The following ZNF544 variants were observed in gnomAD, a reference collection of about 807,000 sequenced individuals.
The protein encoded by ZNF544 is zinc finger protein AF020591.
ZNF544 carries 10 observed loss-of-function variants against 13.5 expected under a neutral mutation model. That is an observed-to-expected ratio of 0.74 (90% CI 0.46 to 1.25). ZNF544 has a LOEUF of 1.25. Among genes scored for constraint, ZNF544 ranks in the 50% most tolerant of loss-of-function variants. The pLI, the probability that ZNF544 is intolerant of heterozygous loss-of-function variation, is 0.00. For missense variants in ZNF544, 896 were observed against 845.6 expected, an observed-to-expected ratio of 1.06 and a Z score of -0.74; for synonymous variants, 323 against 300.5, an observed-to-expected ratio of 1.07 and a Z score of -0.77.
At chr19:58,257,795 C>T (rs1056034473) in intron 6 of ZNF544, 5 of 152,236 alleles carry the variant, frequency 3.3e-5, no homozygotes, top group Admixed American at 3.3e-4. Context: ...TGGGGTCATT[C>T]ACTACGTAGC....
intron 3 of ZNF544, among the ~76,000 whole-genome samples, chr19:58,232,194 C>T (rs80335597): frequency 1.0e-3 from 154 of 152,100 alleles, no homozygotes; most frequent in African/African-American, 3.6e-3. Context: ...GTTAAAGATA[C>T]GCTCTACTTA....
chr19:58,243,956 C>T lies in ZNF544; in HGVS notation c.-59-9C>T. 6.5e-7 allele frequency: 1 copy of T among 1,543,810 alleles called. No homozygotes were observed. The highest frequency in any genetic ancestry group is 8.8e-7 in the Non-Finnish European group (1 of 1,142,220). On this transcript the variant is annotated splice_polypyrimidine_tract_variant and intron_variant, in intron 3 of 6. Coordinates refer to ENST00000687789, the MANE Select transcript of ZNF544 (RefSeq NM_014480.4). ...GAGGGGCTGAATCTCTGCTTGTTTT[C>T]CACCCCAGACTGGTCTTCTGAGGAC...
intron 5 of ZNF544, among the ~76,000 whole-genome samples, chr19:58,275,818 T>C (rs408502): frequency 0.33 from 43,063 of 128,910 alleles, 7,673 homozygotes; most frequent in East Asian, 0.53. Flanking sequence ...GAGGAAATAA[T>C]AGGACATCAA....
intron 6 of ZNF544, chr19:58,277,125 C>T: frequency 8.3e-7 from 1 of 1,208,680 alleles, no homozygotes; most frequent in Non-Finnish European, 1.0e-6. Flanking sequence ...GGAGCTCAGT[C>T]CAAAACCATG....
intron 6 of ZNF544, chr19:58,277,037 A>C: frequency 2.2e-6 from 1 of 445,716 alleles, no homozygotes; most frequent in Non-Finnish European, 3.7e-6. Context: ...TACCTGCTTA[A>C]AGTATCAGTC....
intron 4 of ZNF544, 113 bp from the exon 5 acceptor site, chr19:58,246,188 G>T (rs892802288): frequency 7.0e-6 from 10 of 1,421,252 alleles, no homozygotes; most frequent in East Asian, 2.3e-5. Flanking sequence ...CTGGGTATTA[G>T]GTTCCAATGT....
At chr19:58,245,358 A>G (rs1212093451) in intron 4 of ZNF544, among the ~76,000 whole-genome samples, 1 of 150,410 alleles carries the variant, frequency 6.6e-6, no homozygotes, top group Non-Finnish European at 1.5e-5. Flanking sequence ...CTGGAGTACA[A>G]TGGCGCGATC....
At position 58,261,022 on chromosome 19, in the gene ZNF544, C is replaced by A; in HGVS notation, c.416C>A (p.Ser139Tyr). The change falls in exon 7 of 7, where the codon TCC (serine) becomes TAC (tyrosine). Residue 139 changes from serine to tyrosine, a missense_variant. By Grantham distance (144) the Ser-to-Tyr change is moderately radical (BLOSUM62 -2). Coordinates refer to ENST00000687789, the MANE Select transcript of ZNF544 (RefSeq NM_014480.4). ...SNQLREHQEN[S>Y]LRFMVLTSER... is the part of the protein sequence containing the mutation. ...CAGTTAAGGGAACACCAGGAGAACTCCTTGAGGTTCATGGTACTCACCTCA... is the reference window on the plus strand; with the variant it reads ...CAGTTAAGGGAACACCAGGAGAACTACTTGAGGTTCATGGTACTCACCTCA... 1 of 1,614,172 alleles carries A rather than the reference C, an allele frequency of 6.2e-7. No individual in the cohort carries two copies. Among genetic ancestry groups the A allele is most frequent in the Non-Finnish European group, 8.5e-7 (1 of 1,180,038 alleles).
At chr19:58,232,346 C>CTTTTTTT (rs71190011) in intron 3 of ZNF544, among the ~76,000 whole-genome samples, 2 of 75,232 alleles carry the variant, frequency 2.7e-5, no homozygotes, top group Admixed American at 1.8e-4. Context: ...ACAATTTTAT[C>CTTTTTTT]TTTTTTTTTT....
At position 58,262,421 on chromosome 19, in the gene ZNF544, A is replaced by C. The variant is rs1470724708; in HGVS notation, c.1815A>C (p.Glu605Asp). 5 of 1,614,086 alleles carry C rather than the reference A, an allele frequency of 3.1e-6. No individual in the cohort carries two copies. In the African/African-American group the frequency reaches 5.3e-5, roughly 17 times the overall value. Reference protein sequence around the residue: ...KRTHTGEKPYECNECGKAFNR... With the variant: ...KRTHTGEKPYDCNECGKAFNR... ...CTCACACTGGAGAAAAGCCCTATGAATGTAACGAGTGTGGAAAAGCCTTCA... is the reference window on the plus strand; with the variant it reads ...CTCACACTGGAGAAAAGCCCTATGACTGTAACGAGTGTGGAAAAGCCTTCA... Residue 605 changes from glutamate to aspartate, a missense_variant, in exon 7 of 7, where the codon GAA becomes GAC. Glu to Asp is a conservative substitution (Grantham distance 45). Coordinates refer to ENST00000687789, the MANE Select transcript of ZNF544 (RefSeq NM_014480.4).
chr19:58,255,745 G>C (rs981271961), intron 6 of ZNF544, among the ~76,000 whole-genome samples: 1 of 152,200 alleles, frequency 6.6e-6, no homozygotes, highest in Non-Finnish European at 1.5e-5. Flanking sequence ...GCGTGAGTTC[G>C]CCCTGGATGA....
downstream of ZNF544, among the ~76,000 whole-genome samples, chr19:58,265,400 ACT>A (rs569736271): frequency 3.2e-3 from 479 of 149,716 alleles, 2 homozygotes; most frequent in African/African-American, 0.011. Context: ...GGTTCACGCC[ACT>A]CTCCTGCCTC....
Position 58,262,039 on chromosome 19 carries a change from A to T in ZNF544, c.1433A>T (p.Glu478Val). ...GGAAAGTCCTTCAGCCAAAGCTATG[A>T]GTTAGTTACACATAAAAGAACGCAC... ...HCGKSFSQSY[E>V]LVTHKRTHTG... Residue 478 changes from glutamate (E) to valine (V), a missense_variant, in exon 7 of 7, where the codon GAG becomes GTG. By Grantham distance (121) the Glu-to-Val change is moderately radical. Coordinates refer to ENST00000687789, the MANE Select transcript of ZNF544 (RefSeq NM_014480.4). 1.9e-6 allele frequency: 3 copies of T among 1,612,420 alleles called. No individual in the cohort carries two copies. The highest frequency in any genetic ancestry group is 2.5e-6 in the Non-Finnish European group (3 of 1,179,706).
At position 58,262,844 on chromosome 19, in the gene ZNF544, T is replaced by C. The variant is rs1001739185; in HGVS notation, c.*90T>C. Reference sequence around the variant, plus strand: ...ATGTCGGTGGGAAGAGCTATCAGTGTGACGTGTATTAAGCCAGCGGTTGTG... The same window carrying C: ...ATGTCGGTGGGAAGAGCTATCAGTGCGACGTGTATTAAGCCAGCGGTTGTG... On this transcript the variant is annotated 3_prime_UTR_variant, in exon 7 of 7. Transcript: ENST00000687789. The C allele has an allele frequency of 1.7e-5, 26 of 1,511,002 alleles. No individual in the cohort carries two copies. The highest frequency in any genetic ancestry group is 3.7e-4 in the Middle Eastern group (2 of 5,386). The allele number at this position is 1,511,002 out of a possible 1,614,324, so 93.6% of individuals were successfully genotyped here.
At chr19:58,277,248 T>C (rs2051287161) in exon 7 of ZNF544, 2 of 665,312 alleles carry the variant, frequency 3.0e-6, no homozygotes, top group Non-Finnish European at 3.4e-6. Context: ...TGTGGCCAGC[T>C]TGAGCCCTCA....
intron 5 of ZNF544, among the ~76,000 whole-genome samples, chr19:58,271,760 C>T (rs1415897438): frequency 6.6e-6 from 1 of 152,146 alleles, no homozygotes; most frequent in Non-Finnish European, 1.5e-5. Context: ...GTGAGAGAAG[C>T]AATGGTACAT....
intron 5 of ZNF544, among the ~76,000 whole-genome samples, chr19:58,270,042 C>G (rs951234016): frequency 1.3e-5 from 2 of 151,736 alleles, no homozygotes; most frequent in Non-Finnish European, 2.9e-5. Flanking sequence ...TCACCCATAA[C>G]TTAAAAAAAA....
downstream of ZNF544, among the ~76,000 whole-genome samples, chr19:58,264,619 AG>A (rs2049610199): frequency 6.6e-6 from 1 of 152,064 alleles, no homozygotes; most frequent in Admixed American, 6.6e-5. Flanking sequence ...TGAACCTGGG[AG>A]GCAGAGGTTG....
Position 58,246,787 on chromosome 19 carries a change from C to T in ZNF544, c.237C>T (p.Ala79=), listed in dbSNP as rs752128397. Residue 79 remains alanine, a synonymous_variant, in exon 6 of 7, where the codon GCC becomes GCT. Coordinates refer to ENST00000687789, the MANE Select transcript of ZNF544 (RefSeq NM_014480.4). ...EEDLCRAEQE[A]PRDWKATLEE... Reference sequence around the variant, plus strand: ...ACCTGTGCAGGGCAGAGCAGGAGGCCCCCCGAGGTAAGAGCAGACCTTGTG... The same window carrying T: ...ACCTGTGCAGGGCAGAGCAGGAGGCTCCCCGAGGTAAGAGCAGACCTTGTG... 6.8e-6 allele frequency: 11 copies of T among 1,613,992 alleles called. 1 individual carries two copies. The South Asian group carries it at 1.2e-4, about 18-fold the overall frequency.
Sources: gnomAD v4.1 joint callset for allele counts (sites outside exome capture counted in the v4.1 genomes callset) on GRCh38, gnomAD v4.1.1 for gene constraint, MANE v1.5 for transcripts, NCBI Gene and HGNC (gene_info 2026-07-23, HGNC 2026-07-21) for gene names.